Variants in FRMD4B observed in about 807,000 individuals in gnomAD.
FRMD4B encodes FERM domain containing 4B.
In FRMD4B, 74 loss-of-function variants were observed where a neutral mutation model predicts 141.5. The observed-to-expected ratio is 0.52, with a 90% CI of 0.43 to 0.63. FRMD4B has a LOEUF of 0.63. Among genes scored for constraint, FRMD4B ranks in the 30% least tolerant of loss-of-function variants. The pLI is 0.00. For synonymous variants in FRMD4B, 506 were observed against 467.9 expected (o/e 1.08, Z -1.05); for missense variants, 1,366 against 1,253.4 (o/e 1.09, Z -1.36).
intron 7 of FRMD4B, among the ~76,000 whole-genome samples, chr3:69,235,211 G>C (rs1021308859): frequency 4.7e-5 from 7 of 148,546 alleles, no homozygotes; most frequent in Admixed American, 2.7e-4. Flanking sequence ...TTTCAAGAAA[G>C]AAACTGTAAT....
chr3:69,427,031 A>C (rs932497839), intron 2 of FRMD4B, among the ~76,000 whole-genome samples: 2 of 152,138 alleles, frequency 1.3e-5, no homozygotes, highest in African/African-American at 4.8e-5. Flanking sequence ...AGCAAAGTCT[A>C]CTTGAAAAAT....
intron 1 of FRMD4B, among the ~76,000 whole-genome samples, chr3:69,521,094 C>A (rs1269581033): frequency 1.3e-5 from 2 of 152,136 alleles, no homozygotes; most frequent in African/African-American, 4.8e-5. Flanking sequence ...TACTGGCTTT[C>A]TGTGCCTCTT....
chr3:69,465,535 C>T (rs1026013584), intron 1 of FRMD4B, among the ~76,000 whole-genome samples: 1 of 151,562 alleles, frequency 6.6e-6, no homozygotes, highest in African/African-American at 2.4e-5. Flanking sequence ...TGCTATCCCT[C>T]CCCCAGTCCC....
chr3:69,304,175 C>CA (rs35528700), intron 3 of FRMD4B, among the ~76,000 whole-genome samples: 42,486 of 106,078 alleles, frequency 0.4, 8,308 homozygotes, highest in Non-Finnish European at 0.52. Context: ...TAACTTGTCT[C>CA]AAAAAAAAAA....
At chr3:69,375,263 TC>T (rs56318792) in intron 1 of FRMD4B, among the ~76,000 whole-genome samples, 1,620 of 11,946 alleles carry the variant, frequency 0.14, 11 homozygotes, top group African/African-American at 0.14. Context: ...ATCCACCCCA[TC>T]CCATCCATCC....
intron 1 of FRMD4B, among the ~76,000 whole-genome samples, chr3:69,455,012 A>T (rs747537920): frequency 7.2e-5 from 11 of 152,212 alleles, no homozygotes; most frequent in Admixed American, 2.0e-4. Context: ...AAATCTAGCT[A>T]ATCTGGTGGG....
chr3:69,323,629 T>TAC (rs1283545824), intron 1 of FRMD4B, among the ~76,000 whole-genome samples: 1 of 59,300 alleles, frequency 1.7e-5, no homozygotes, highest in Non-Finnish European at 4.4e-5. Context: ...TATATATATA[T>TAC]ATATATATAT....
chr3:69,421,699 A>AT (rs1704980255), intron 2 of FRMD4B, among the ~76,000 whole-genome samples: 1 of 152,250 alleles, frequency 6.6e-6, no homozygotes, highest in Non-Finnish European at 1.5e-5. Flanking sequence ...CCTCAGTCAC[A>AT]ACAGCCACCT....
chr3:69,360,245 A>G (rs1703434160), intron 1 of FRMD4B, among the ~76,000 whole-genome samples: 1 of 152,200 alleles, frequency 6.6e-6, no homozygotes, highest in Non-Finnish European at 1.5e-5. Flanking sequence ...ACACCTGGCT[A>G]ATATTGTTTC....
chr3:69,302,700 C>A lies in FRMD4B; in HGVS notation c.324-265G>T, dbSNP rs143262774. 1.8e-3 allele frequency among the ~76,000 whole-genome samples: 275 copies of A among 152,284 alleles called. 1 individual carries two copies. The highest frequency in any genetic ancestry group is 6.5e-3 in the African/African-American group (269 of 41,566). Reference sequence around the variant, plus strand: ...AATAATTTGTATATGAAATCACTCACTGTAGCAACATTTGAAATAGCAAAA... The same window carrying A: ...AATAATTTGTATATGAAATCACTCAATGTAGCAACATTTGAAATAGCAAAA... On this transcript the variant is annotated intron_variant, in intron 3 of 22. Transcript: ENST00000398540.
At chr3:69,519,997 C>CATAT (rs71618288) in intron 1 of FRMD4B, among the ~76,000 whole-genome samples, 2,630 of 88,288 alleles carry the variant, frequency 0.03, 130 homozygotes, top group East Asian at 0.046. Context: ...AGTAGTATTC[C>CATAT]ATATATATAT....
At chr3:69,228,288 T>A (rs556188818) in intron 7 of FRMD4B, 2 of 456,436 alleles carry the variant, frequency 4.4e-6, no homozygotes, top group Non-Finnish European at 8.8e-6. Flanking sequence ...TCTTTTAGAC[T>A]TACAGAATTT....
intron 1 of FRMD4B, among the ~76,000 whole-genome samples, chr3:69,464,634 G>A (rs758708010): frequency 6.6e-6 from 1 of 152,158 alleles, no homozygotes; most frequent in African/African-American, 2.4e-5. Context: ...GACAGAATTA[G>A]AATATCACTA....
intron 1 of FRMD4B, among the ~76,000 whole-genome samples, chr3:69,339,611 C>G (rs569666551): frequency 1.3e-5 from 2 of 151,820 alleles, no homozygotes; most frequent in Admixed American, 1.3e-4. Flanking sequence ...AAATGTATCC[C>G]AGAACTTAAA....
chr3:69,517,134 AG>A (rs1370012758), intron 1 of FRMD4B, among the ~76,000 whole-genome samples: 1 of 152,202 alleles, frequency 6.6e-6, no homozygotes, highest in Non-Finnish European at 1.5e-5. Context: ...GGAAAGATTC[AG>A]GTCATATCTC....
intron 17 of FRMD4B, among the ~76,000 whole-genome samples, 151 bp downstream of exon 17, chr3:69,193,496 GA>G (rs1440331855): frequency 6.6e-6 from 1 of 152,164 alleles, no homozygotes; most frequent in Non-Finnish European, 1.5e-5. Flanking sequence ...CAACAAGAGT[GA>G]AACTCTGTCT....
chr3:69,521,456 T>C (rs545645934), intron 1 of FRMD4B, among the ~76,000 whole-genome samples: 1 of 152,354 alleles, frequency 6.6e-6, no homozygotes, highest in South Asian at 2.1e-4. Flanking sequence ...TGGTTGCAGC[T>C]TTCTAGCTAA....
chr3:69,347,459 A>G (rs1335551277), intron 1 of FRMD4B, among the ~76,000 whole-genome samples: 3 of 152,228 alleles, frequency 2.0e-5, no homozygotes, highest in Non-Finnish European at 4.4e-5. Flanking sequence ...CAGGAATTGA[A>G]TTCAGCTCTG....
intron 1 of FRMD4B, among the ~76,000 whole-genome samples, chr3:69,316,939 T>A (rs1225969791): frequency 6.6e-6 from 1 of 152,186 alleles, no homozygotes. Context: ...CTGGCCAACA[T>A]GGTGAAACGC....
Sources: gnomAD v4.1 joint callset for allele counts (sites outside exome capture counted in the v4.1 genomes callset) on GRCh38, gnomAD v4.1.1 for gene constraint, MANE v1.5 for transcripts, NCBI Gene and HGNC (gene_info 2026-07-23, HGNC 2026-07-21) for gene names.